NCOR2: variants seen among roughly 807,000 people sequenced by gnomAD.
NCOR2 encodes nuclear receptor corepressor 2.
In NCOR2, 81 loss-of-function variants were observed where a neutral mutation model predicts 262.9. The ratio of observed to expected loss-of-function variants is 0.31; its 90% confidence interval spans 0.26 to 0.37. NCOR2 has a LOEUF of 0.37. Ranked by LOEUF, NCOR2 falls within the 10% of genes least tolerant of loss-of-function variation. The probability of loss-of-function intolerance (pLI) is 1.00; values close to 1 mark genes in which losing one functional copy is unlikely to be tolerated. For synonymous variants in NCOR2, 1,659 were observed against 1,559.3 expected (o/e 1.06, Z -1.51); for missense variants, 3,385 against 3,621.4 (o/e 0.93, Z 1.68).
At chr12:124,412,843 G>A (rs1593425133) in intron 13 of NCOR2, among the ~76,000 whole-genome samples, 2 of 152,222 alleles carry the variant, frequency 1.3e-5, no homozygotes, top group Admixed American at 1.3e-4. Flanking sequence ...CAGCCCTTCC[G>A]GTGATTCCGA....
intron 1 of NCOR2, among the ~76,000 whole-genome samples, chr12:124,521,522 T>C (rs701035): frequency 0.57 from 86,779 of 152,044 alleles, 25,437 homozygotes; most frequent in Non-Finnish European, 0.64. Context: ...CCACAGTGCA[T>C]GATTCCGTCC....
At chr12:124,350,878 A>G (rs1002933969) in intron 27 of NCOR2, 141 bp from the exon 30 acceptor site, 1 of 896,566 alleles carries the variant, frequency 1.1e-6, no homozygotes, top group Non-Finnish European at 1.6e-6. Context: ...TCAAATAGGT[A>G]AGAGTTTGCA....
At chr12:124,532,837 A>C (rs1333831403) in intron 1 of NCOR2, among the ~76,000 whole-genome samples, 1 of 145,170 alleles carries the variant, frequency 6.9e-6, no homozygotes, top group Non-Finnish European at 1.5e-5. Flanking sequence ...TGAGTTCATC[A>C]CTTTGTGGGG....
intron 19 of NCOR2, among the ~76,000 whole-genome samples, chr12:124,373,162 A>G (rs2039637150): frequency 6.6e-6 from 1 of 152,266 alleles, no homozygotes; most frequent in African/African-American, 2.4e-5. Context: ...CACCATCGCC[A>G]CCATCATCGT....
exon 47 of NCOR2, chr12:124,324,598 A>T (rs948976887): frequency 6.6e-6 from 1 of 152,426 alleles, no homozygotes; most frequent in African/African-American, 2.4e-5. Context: ...TGATGGGGTC[A>T]CCGACTGTCG....
At chr12:124,495,404 C>CA (rs1279893890), upstream of NCOR2, 2 of 1,410,696 alleles carry the variant, frequency 1.4e-6, no homozygotes, top group Non-Finnish European at 1.9e-6. This position sits in a 1 kb window ranked among gnomAD's most constrained non-coding sequence, Gnocchi z 4.4. Flanking sequence ...CAAGATCAGC[C>CA]ACGGGGCAGC....
intron 1 of NCOR2, among the ~76,000 whole-genome samples, chr12:124,516,833 G>A (rs1212966056): frequency 2.0e-5 from 3 of 152,140 alleles, no homozygotes; most frequent in East Asian, 1.9e-4. Context: ...TGTCAGCATC[G>A]AGAAAACAAA....
rs34457329 is a variant in NCOR2 at position 124,360,602 on chromosome 12, G to A, written c.3100+1524C>T. ...ACACCTGAGACAAAATCCACTGCCC[G>A]CTGTGGCCTGAGAGGCCCCACACAA... is the stretch of plus-strand genomic sequence containing the variant. On this transcript the variant is annotated intron_variant, in intron 22 of 46. Transcript: ENST00000405201. Among the ~76,000 whole-genome samples the A allele has an allele frequency of 8.6e-3, 1,304 of 152,136 alleles. 16 individuals carry two copies. The highest frequency in any genetic ancestry group is 0.011 in the Non-Finnish European group (772 of 67,994).
At chr12:124,369,542 C>T (rs1052761887) in intron 20 of NCOR2, among the ~76,000 whole-genome samples, 7 of 151,992 alleles carry the variant, frequency 4.6e-5, no homozygotes, top group Admixed American at 2.0e-4. Flanking sequence ...ATCTCGTCCG[C>T]GTCCTCCAGC....
Position 124,340,279 on chromosome 12 carries a change from G to T in NCOR2, c.5488+15C>A. 2 of 1,608,828 alleles carry T rather than the reference G, an allele frequency of 1.2e-6. No homozygotes were observed. Among genetic ancestry groups the T allele is most frequent in the East Asian group, 2.2e-5 (1 of 44,838 alleles). ...AGGAGTCCCGGAGCGGGGGGTGGGG[G>T]CTCTGATGCCCTACCAGGTCTCCAG... On this transcript the variant is annotated intron_variant, in intron 36 of 46. Coordinates refer to ENST00000405201, the Ensembl canonical transcript of NCOR2.
intron 13 of NCOR2, among the ~76,000 whole-genome samples, chr12:124,404,877 C>T (rs545899839): frequency 2.4e-4 from 37 of 152,352 alleles, no homozygotes; most frequent in African/African-American, 8.9e-4. Context: ...CAAACACTAT[C>T]CCAGCCTCAG....
chr12:124,326,516 C>G, intron 45 of NCOR2, 146 bp from the exon 48 acceptor site: 1 of 782,038 alleles, frequency 1.3e-6, no homozygotes, highest in East Asian at 3.4e-5. Context: ...CTCCTCCCTG[C>G]TGCCCGCCCC....
intron 1 of NCOR2, among the ~76,000 whole-genome samples, chr12:124,502,233 G>C (rs1186598785): frequency 2.0e-5 from 3 of 152,254 alleles, no homozygotes; most frequent in Non-Finnish European, 2.9e-5. Flanking sequence ...TGAAGAGAGA[G>C]CTCCTGCTGC....
At chr12:124,397,301 A>G (rs1177587051) in intron 16 of NCOR2, among the ~76,000 whole-genome samples, 1 of 152,228 alleles carries the variant, frequency 6.6e-6, no homozygotes, top group Non-Finnish European at 1.5e-5. Flanking sequence ...ACACAGGGTT[A>G]TCTGATTCCG....
chr12:124,457,662 A>C lies in NCOR2; in HGVS notation c.706-500T>G, dbSNP rs964359237. ...ACCCTTTCTAGGATTCTTGTGTTTC[A>C]CAATCATGTGATTATTTCTGGGCTG... On this transcript the variant is annotated intron_variant, in intron 5 of 46. Coordinates refer to ENST00000405201, the Ensembl canonical transcript of NCOR2. This position sits in a 1 kb window ranked among gnomAD's most constrained non-coding sequence, Gnocchi z 4.0. 6.6e-6 allele frequency among the ~76,000 whole-genome samples: 1 copy of C among 151,786 alleles called. No homozygotes were observed. Among genetic ancestry groups the C allele is most frequent in the Non-Finnish European group, 1.5e-5 (1 of 67,952 alleles).
chr12:124,464,549 G>C (rs2046329802), intron 5 of NCOR2, among the ~76,000 whole-genome samples: 1 of 152,212 alleles, frequency 6.6e-6, no homozygotes, highest in Admixed American at 6.5e-5. Flanking sequence ...GAGAATAACA[G>C]TAGTTCTACT....
At chr12:124,340,165 C>T (rs757135602) in exon 37 of NCOR2, 18 of 1,543,602 alleles carry the variant, frequency 1.2e-5, no homozygotes, top group South Asian at 2.3e-5. Context: ...GCTGCTGCTG[C>T]CCCCACCCCC....
At chr12:124,560,322 A>C (rs1168863215) in intron 1 of NCOR2, among the ~76,000 whole-genome samples, 3 of 152,270 alleles carry the variant, frequency 2.0e-5, no homozygotes, top group Non-Finnish European at 1.5e-5. Context: ...CATGTAAATG[A>C]GTGAGCGTGG....
At chr12:124,435,590 T>C (rs962387311) in intron 8 of NCOR2, among the ~76,000 whole-genome samples, 2 of 152,156 alleles carry the variant, frequency 1.3e-5, no homozygotes, top group East Asian at 1.9e-4. Context: ...TCCTCCCATA[T>C]AGCACAGCCC....
Sources: allele counts gnomAD v4.1 joint callset (sites outside exome capture counted in the v4.1 genomes callset), GRCh38; gene constraint gnomAD v4.1.1; non-coding constraint Gnocchi (gnomAD v3.1); transcripts MANE v1.5; gene names NCBI Gene and HGNC (gene_info 2026-07-23, HGNC 2026-07-21).